Variants in INPP4B observed in about 807,000 individuals in gnomAD.
INPP4B encodes the protein inositol polyphosphate 4-phosphatase type II.
INPP4B carries 55 observed loss-of-function variants against 122.5 expected under a neutral mutation model. The ratio of observed to expected loss-of-function variants is 0.45; its 90% CI spans 0.36 to 0.56. The LOEUF (loss-of-function observed/expected upper bound fraction) is 0.56. Among genes scored for constraint, INPP4B ranks in the 20% least tolerant of loss-of-function variants. The probability of loss-of-function intolerance (pLI) is 0.00; values close to 1 mark genes in which losing one functional copy is unlikely to be tolerated. For missense variants in INPP4B, 1,000 were observed against 1,097.7 expected (o/e 0.91, Z 1.26); for synonymous variants, 403 against 388.7 (o/e 1.04, Z -0.43).
At chr4:142,290,755 G>T (rs1357230096) in intron 9 of INPP4B, among the ~76,000 whole-genome samples, 1 of 152,002 alleles carries the variant, frequency 6.6e-6, no homozygotes, top group Non-Finnish European at 1.5e-5. Context: ...TCACCCACTG[G>T]ACCAGGCTGG....
At chr4:142,054,826 A>C (rs1046613379) in intron 25 of INPP4B, among the ~76,000 whole-genome samples, 2 of 151,594 alleles carry the variant, frequency 1.3e-5, no homozygotes, top group African/African-American at 4.8e-5. Context: ...AGGGACAGTT[A>C]ATCTTTATTA....
chr4:142,130,902 G>C (rs911251516), intron 18 of INPP4B, among the ~76,000 whole-genome samples: 1 of 152,132 alleles, frequency 6.6e-6, no homozygotes. Context: ...AAACTTTCCA[G>C]TCTTGCTCTT....
chr4:142,621,704 G>C (rs1482863082), intron 2 of INPP4B, among the ~76,000 whole-genome samples: 2 of 151,624 alleles, frequency 1.3e-5, no homozygotes, highest in Non-Finnish European at 2.9e-5. Flanking sequence ...GAATAATGAT[G>C]TGGATTAAAT....
At chr4:142,295,730 CT>C (rs1283000017) in intron 9 of INPP4B, among the ~76,000 whole-genome samples, 1 of 151,304 alleles carries the variant, frequency 6.6e-6, no homozygotes, top group Admixed American at 6.6e-5. Context: ...AAGAAATTCA[CT>C]TTCCCTTTTT....
intron 1 of INPP4B, among the ~76,000 whole-genome samples, chr4:142,726,132 T>C (rs1406387087): frequency 1.3e-5 from 2 of 152,194 alleles, no homozygotes; most frequent in African/African-American, 2.4e-5. Context: ...CAGCAGATAC[T>C]CAGCCCTGTT....
chr4:142,115,283 A>T (rs1266333502), intron 21 of INPP4B, among the ~76,000 whole-genome samples: 2 of 152,184 alleles, frequency 1.3e-5, no homozygotes, highest in Non-Finnish European at 2.9e-5. Context: ...AAGGCAGGCC[A>T]ACATTCAAAT....
In INPP4B at chr4:142,737,921, A is replaced by G. The variant is rs535543093; in HGVS notation, c.-253-12020T>C. The stretch of plus-strand genomic sequence containing the variant: ...AAACCACGATGAGATACCATCTCAC[A>G]CCAGTTAGAATGGCAATCATTAAAA... On this transcript the variant is annotated intron_variant, in intron 1 of 25. Coordinates refer to ENST00000262992, the MANE Select transcript of INPP4B (RefSeq NM_001101669.3). Among the ~76,000 whole-genome samples, 463 of 152,354 alleles carry G rather than the reference A, an allele frequency of 3.0e-3. 2 individuals are homozygous for G. Among genetic ancestry groups the G allele is most frequent in the African/African-American group, 0.01 (426 of 41,590 alleles).
At chr4:142,062,098 G>A (rs1254805154) in intron 25 of INPP4B, among the ~76,000 whole-genome samples, 1 of 151,982 alleles carries the variant, frequency 6.6e-6, no homozygotes, top group Non-Finnish European at 1.5e-5. Flanking sequence ...ACTTTAGTTA[G>A]ACTATTTCCT....
intron 1 of INPP4B, among the ~76,000 whole-genome samples, chr4:142,842,504 T>C (rs1173981990): frequency 7.7e-6 from 1 of 130,440 alleles, no homozygotes; most frequent in African/African-American, 2.8e-5. Context: ...TGTGCCTTAT[T>C]TAAAAAACTA....
At chr4:142,442,067 T>C (rs966928059) in intron 3 of INPP4B, among the ~76,000 whole-genome samples, 53 of 151,944 alleles carry the variant, frequency 3.5e-4, no homozygotes, top group African/African-American at 1.3e-3. Context: ...ATTTATGAAC[T>C]CAATGTAGAA....
chr4:142,650,449 A>G (rs774219620), intron 2 of INPP4B, among the ~76,000 whole-genome samples: 1 of 151,956 alleles, frequency 6.6e-6, no homozygotes, highest in Non-Finnish European at 1.5e-5. Context: ...AAGACCCATC[A>G]GTGTGCTGTA....
intron 25 of INPP4B, among the ~76,000 whole-genome samples, chr4:142,066,451 A>C (rs1233476844): frequency 2.6e-5 from 4 of 152,138 alleles, no homozygotes; most frequent in Admixed American, 2.0e-4. Flanking sequence ...TGATTGCTGG[A>C]CCCACGTGTG....
intron 2 of INPP4B, among the ~76,000 whole-genome samples, chr4:142,701,306 G>A (rs1257272535): frequency 6.6e-6 from 1 of 152,038 alleles, no homozygotes; most frequent in Non-Finnish European, 1.5e-5. Context: ...TCCACAGTAG[G>A]AGATGCCCCA....
intron 9 of INPP4B, among the ~76,000 whole-genome samples, chr4:142,299,321 C>A (rs1760323083): frequency 6.6e-6 from 1 of 151,758 alleles, no homozygotes; most frequent in Non-Finnish European, 1.5e-5. Flanking sequence ...GCCATCACAC[C>A]CAGCTAATTT....
chr4:142,125,625 C>T (rs1798324441), intron 18 of INPP4B, among the ~76,000 whole-genome samples: 1 of 152,100 alleles, frequency 6.6e-6, no homozygotes, highest in Admixed American at 6.6e-5. Flanking sequence ...TCTGCAAACT[C>T]AATTCAGGAT....
chr4:142,836,058 T>G (rs1382596088), intron 1 of INPP4B, among the ~76,000 whole-genome samples: 1 of 152,132 alleles, frequency 6.6e-6, no homozygotes, highest in Non-Finnish European at 1.5e-5. Flanking sequence ...TCCTTGCATA[T>G]GGCATGAAAA....
At chr4:142,642,774 C>A (rs1440000858) in intron 2 of INPP4B, among the ~76,000 whole-genome samples, 1 of 152,078 alleles carries the variant, frequency 6.6e-6, no homozygotes. Flanking sequence ...TCTATATGAA[C>A]TTTAAAGTAG....
At chr4:142,384,196 G>C in intron 7 of INPP4B, 1 of 691,980 alleles carries the variant, frequency 1.4e-6, no homozygotes, top group Non-Finnish European at 2.6e-6. Context: ...GTACATGTGG[G>C]TTAAGACAAA....
At chr4:142,652,815 C>T (rs1230260911) in intron 2 of INPP4B, among the ~76,000 whole-genome samples, 1 of 152,130 alleles carries the variant, frequency 6.6e-6, no homozygotes, top group African/African-American at 2.4e-5. Context: ...TCAGTGCCAT[C>T]CCCATCAAGC....
Sources: allele counts gnomAD v4.1 joint callset (sites outside exome capture counted in the v4.1 genomes callset), GRCh38; gene constraint gnomAD v4.1.1; transcripts MANE v1.5; gene names NCBI Gene and HGNC (gene_info 2026-07-23, HGNC 2026-07-21).